SULT1A2: variants seen among roughly 807,000 people sequenced by gnomAD.
The protein encoded by SULT1A2 is sulfotransferase family 1A member 2.
A neutral mutation model predicts 36.0 loss-of-function variants in SULT1A2; 33 were observed. The observed-to-expected ratio is 0.92, with a 90% CI of 0.69 to 1.22. The LOEUF is 1.22. SULT1A2 is among the 50% of genes most tolerant of loss of function. SULT1A2 has a pLI of 0.00. For missense variants in SULT1A2, 367 were observed against 383.2 expected, an observed-to-expected ratio of 0.96 and a Z score of 0.35; for synonymous variants, 138 against 144.5, an observed-to-expected ratio of 0.96 and a Z score of 0.32.
intron 1 of SULT1A2, 37 bp downstream of exon 1, chr16:28,596,960 G>T: frequency 2.5e-6 from 3 of 1,224,242 alleles, no homozygotes; most frequent in Non-Finnish European, 3.2e-6. Context: ...GCTGAGCAGG[G>T]TGAGGGCGTC....
rs555564146 is a variant in SULT1A2, at chr16:28,594,467, G to C, written c.373-899C>G. Among the ~76,000 whole-genome samples the C allele has an allele frequency of 3.9e-5, 6 of 152,174 alleles. No individual in the cohort carries two copies. The South Asian group carries it at 1.2e-3, about 32-fold the overall frequency. On this transcript the variant is annotated intron_variant, in intron 4 of 7. Coordinates refer to ENST00000335715, the MANE Select transcript of SULT1A2 (RefSeq NM_001054.4). ...ACCTTTTAAAATATTTATTTGTTTT[G>C]TTTGAAACAATGTCTCGTTGTGTCT...
At chr16:28,592,627 C>G in intron 6 of SULT1A2, 184 bp from the exon 7 acceptor site, 1 of 1,192,680 alleles carries the variant, frequency 8.4e-7, no homozygotes, top group South Asian at 1.5e-5. Flanking sequence ...CCTGTGATCC[C>G]ATCATGAGCT....
intron 5 of SULT1A2, 39 bp downstream of exon 5, chr16:28,593,403 C>A (rs758970644): frequency 6.2e-7 from 1 of 1,614,178 alleles, no homozygotes; most frequent in Non-Finnish European, 8.5e-7. Flanking sequence ...TAGCCACCAC[C>A]CCTTAGCTCC....
At chr16:28,593,170 G>C (rs2047014564) in intron 6 of SULT1A2, 82 bp downstream of exon 6, 5 of 1,590,968 alleles carry the variant, frequency 3.1e-6, no homozygotes, top group Non-Finnish European at 4.3e-6. Context: ...CCCAGGGAGG[G>C]TGGCTGGGTG....
chr16:28,596,056 A>G, intron 1 of SULT1A2, 122 bp from the exon 2 acceptor site: 5 of 1,568,854 alleles, frequency 3.2e-6, no homozygotes, highest in Non-Finnish European at 4.3e-6. Flanking sequence ...GCCCGCACTC[A>G]CAAGGCCAGT....
At chr16:28,592,984 C>T (rs765160501) in intron 6 of SULT1A2, among the ~76,000 whole-genome samples, 2 of 152,162 alleles carry the variant, frequency 1.3e-5, no homozygotes, top group Non-Finnish European at 2.9e-5. Flanking sequence ...GCATGCCATC[C>T]TGGACAACAG....
chr16:28,593,385 G>C (rs777137540), intron 5 of SULT1A2, 39 bp from the exon 6 acceptor site: 5 of 1,613,988 alleles, frequency 3.1e-6, no homozygotes, highest in African/African-American at 2.7e-5. Context: ...CAGGGTTGCT[G>C]TGCGTTGTAG....
chr16:28,595,361 T>C lies in SULT1A2; in HGVS notation c.372+6A>G. The C allele has an allele frequency of 1.9e-6, 3 of 1,613,958 alleles. No homozygotes were observed. Among genetic ancestry groups the C allele is most frequent in the Non-Finnish European group, 2.5e-6 (3 of 1,179,914 alleles). ...TGCGGGTGTGAACCACTGTGCCCAG[T>C]CTCACCTTGACCTTCTGATCCAACA... On this transcript the variant is annotated splice_donor_region_variant and intron_variant, in intron 4 of 7. Transcript: ENST00000335715.
intron 4 of SULT1A2, 95 bp from the exon 5 acceptor site, chr16:28,593,663 T>G: frequency 6.3e-7 from 1 of 1,576,166 alleles, no homozygotes; most frequent in Admixed American, 1.8e-5. Flanking sequence ...AAGCTGAGGC[T>G]TAGAGGCTGA....
Position 28,595,689 on chromosome 16 carries a change from G to C in SULT1A2, c.149-14C>G. 1 of 1,613,978 alleles carries C rather than the reference G, an allele frequency of 6.2e-7. No individual in the cohort carries two copies. Among genetic ancestry groups the C allele is most frequent in the Non-Finnish European group, 8.5e-7 (1 of 1,179,836 alleles). On this transcript the variant is annotated splice_polypyrimidine_tract_variant and intron_variant, in intron 2 of 7. Coordinates refer to ENST00000335715, the MANE Select transcript of SULT1A2 (RefSeq NM_001054.4). ...CCCAGGTGGTGCCTGGAGAGGGAGG[G>C]AGATGGGAGGTGAGCAGGCTGAGGT... is the stretch of plus-strand genomic sequence containing the variant.
chr16:28,597,044 T>C lies in SULT1A2; in HGVS notation c.-52A>G, dbSNP rs1351771175. 4.9e-5 allele frequency: 63 copies of C among 1,283,096 alleles called. No homozygotes were observed. Among genetic ancestry groups the C allele is most frequent in the Non-Finnish European group, 6.0e-5 (59 of 983,354 alleles). The allele number at this position is 1,283,096 out of a possible 1,614,324, so 79.5% of individuals were successfully genotyped here. A position where few individuals can be genotyped will look rare whatever the true frequency, so the allele number is the denominator to read the frequency against. On this transcript the variant is annotated 5_prime_UTR_variant, in exon 1 of 8. Transcript: ENST00000335715. ...TTGTGCCCTCCTCGCCCGCAGTGGC[T>C]GAGTGTGGGTGTTGTGTGGGGAATG...
In SULT1A2 at chr16:28,592,399, G is replaced by A. The variant is rs1404950046; in HGVS notation, c.639C>T (p.Arg213=). 1.2e-6 allele frequency: 2 copies of A among 1,614,028 alleles called. No homozygotes were observed. The highest frequency in any genetic ancestry group is 1.7e-6 in the Non-Finnish European group (2 of 1,179,986). The part of the protein sequence containing the change: ...EIQKILEFVG[R]SLPEETVDLM... ...GGTCCACAGTCTCCTCTGGCAGGGA[G>A]CGCCCCACAAACTCCAGGATCTTTT... The change falls in exon 7 of 8, where the codon CGC becomes CGT. Residue 213 remains arginine (R), a synonymous_variant. Coordinates refer to ENST00000335715, the MANE Select transcript of SULT1A2 (RefSeq NM_001054.4).
At chr16:28,596,478 A>C in intron 1 of SULT1A2, 1 of 709,798 alleles carries the variant, frequency 1.4e-6, no homozygotes, top group South Asian at 2.4e-5. Flanking sequence ...CTCCAGGACA[A>C]ACAGCCCATT....
chr16:28,595,273 G>T, intron 4 of SULT1A2, 94 bp downstream of exon 4: 1 of 1,518,060 alleles, frequency 6.6e-7, no homozygotes, highest in Non-Finnish European at 8.9e-7. Context: ...TTTTGGAAGA[G>T]ACTTATCTGG....
At chr16:28,596,956 C>T in intron 1 of SULT1A2, 41 bp downstream of exon 1, 1 of 1,203,196 alleles carries the variant, frequency 8.3e-7, no homozygotes, top group Non-Finnish European at 1.1e-6. Flanking sequence ...ACAAGCTGAG[C>T]AGGGTGAGGG....
rs1262885746 is a variant in SULT1A2 at position 28,592,422 on chromosome 16, T to C, written c.616A>G (p.Lys206Glu). Residue 206 changes from lysine (K) to glutamate (E), a missense_variant, in exon 7 of 8, where the codon AAG becomes GAG. Lys to Glu is a moderately conservative substitution (Grantham distance 56). Transcript: ENST00000335715. Reference sequence around the variant, plus strand: ...GAGCGCCCCACAAACTCCAGGATCTTTTGAATCTCCCTTTTGGGGTTCTGA... The same window carrying C: ...GAGCGCCCCACAAACTCCAGGATCTCTTGAATCTCCCTTTTGGGGTTCTGA... ...MKENPKREIQ[K>E]ILEFVGRSLP... 2.5e-6 allele frequency: 4 copies of C among 1,614,048 alleles called. No homozygotes were observed. The highest frequency in any genetic ancestry group is 1.6e-4 in the Middle Eastern group (1 of 6,084).
Position 28,595,905 on chromosome 16 carries a change from C to A in SULT1A2, c.26G>T (p.Arg9Leu). 1.9e-6 allele frequency: 3 copies of A among 1,594,868 alleles called. No individual in the cohort carries two copies. The highest frequency in any genetic ancestry group is 2.6e-6 in the Non-Finnish European group (3 of 1,167,348). The change falls in exon 2 of 8, where the codon CGC becomes CTC. Residue 9 changes from arginine to leucine, a missense_variant. Arg to Leu is a moderately radical substitution (Grantham distance 102). Coordinates refer to ENST00000335715, the MANE Select transcript of SULT1A2 (RefSeq NM_001054.4). MELIQDIS[R>L]PPLEYVKGVP... ...CCCCTTCACGTACTCCAGTGGCGGG[C>A]GAGAGATGTCCTGGATCAGCTCCAT...
At chr16:28,594,375 C>T (rs1231912520) in intron 4 of SULT1A2, among the ~76,000 whole-genome samples, 1 of 152,192 alleles carries the variant, frequency 6.6e-6, no homozygotes, top group Admixed American at 6.5e-5. Flanking sequence ...CTCCTGAGCT[C>T]AAGCGGTCCA....
Position 28,591,993 on chromosome 16 carries a change from G to T in SULT1A2, c.*35C>A, listed in dbSNP as rs772391811. The T allele has an allele frequency of 1.2e-6, 2 of 1,611,538 alleles. No individual in the cohort carries two copies. Among genetic ancestry groups the T allele is most frequent in the African/African-American group, 1.3e-5 (1 of 74,862 alleles). On this transcript the variant is annotated 3_prime_UTR_variant, in exon 8 of 8. Coordinates refer to ENST00000335715, the MANE Select transcript of SULT1A2 (RefSeq NM_001054.4). ...GGAGCCTCTTGGTCAGGCTTGATTCGCACACTCCCTCTGCAGTGACTCCAG... is the reference window on the plus strand; with the variant it reads ...GGAGCCTCTTGGTCAGGCTTGATTCTCACACTCCCTCTGCAGTGACTCCAG...
Sources: allele counts gnomAD v4.1 joint callset (sites outside exome capture counted in the v4.1 genomes callset), GRCh38; gene constraint gnomAD v4.1.1; transcripts MANE v1.5; gene names NCBI Gene and HGNC (gene_info 2026-07-23, HGNC 2026-07-21).